PDIA5: variants seen among roughly 807,000 people sequenced by gnomAD.
PDIA5 encodes the protein protein disulfide isomerase family A member 5, also known as protein disulfide-isomerase A5.
Under a neutral mutation model 77.6 loss-of-function variants are expected in PDIA5, and 58 were observed. The observed-to-expected ratio is 0.75, with a 90% CI of 0.61 to 0.93. PDIA5 has a LOEUF of 0.93. Among genes scored for constraint, PDIA5 ranks in the 40% least tolerant of loss-of-function variants. The pLI is 0.00. For synonymous variants in PDIA5, 250 were observed against 252.1 expected, an observed-to-expected ratio of 0.99 and a Z score of 0.08; for missense variants, 630 against 647.7, an observed-to-expected ratio of 0.97 and a Z score of 0.30.
chr3:123,088,227 C>T (rs1934191835), intron 1 of PDIA5, among the ~76,000 whole-genome samples: 1 of 152,140 alleles, frequency 6.6e-6, no homozygotes, highest in South Asian at 2.1e-4. Flanking sequence ...TGTGTCTACT[C>T]CTTATTCACA....
chr3:123,102,494 A>T lies in PDIA5; in HGVS notation c.341A>T (p.Gln114Leu), dbSNP rs755054630. 2.5e-6 allele frequency: 4 copies of T among 1,609,718 alleles called. No homozygotes were observed. Among genetic ancestry groups the T allele is most frequent in the Non-Finnish European group, 8.5e-7 (1 of 1,175,998 alleles). The change falls in exon 4 of 17, where the codon CAG (glutamine) becomes CTG (leucine). Residue 114 changes from glutamine to leucine, a missense_variant and splice_region_variant. Gln to Leu is a moderately radical substitution (Grantham distance 113). Coordinates refer to ENST00000316218, the MANE Select transcript of PDIA5 (RefSeq NM_006810.4). Reference protein sequence around the residue: ...KDKKVELFHYQDGAFHTEYNR... With the variant: ...KDKKVELFHYLDGAFHTEYNR... The stretch of plus-strand genomic sequence containing the variant: ...AAAAAGGTTGAATTATTCCATTACC[A>T]GTAAGTACACATGGGCATTTCCAAT...
rs775250269 is a variant in PDIA5, at chr3:123,089,287, C to G, written c.162C>G (p.Ser54=). The change falls in exon 2 of 17, where the codon TCC becomes TCG. Residue 54 remains serine, a synonymous_variant. Coordinates refer to ENST00000316218, the MANE Select transcript of PDIA5 (RefSeq NM_006810.4). ...GGAATAATGTACTGGTGCTTTACTC[C>G]AAATCTGGTGAGTGTCCCTTCCTGG... ...RTRNNVLVLY[S]KSEVAAENHL... 1 of 1,614,028 alleles carries G rather than the reference C, an allele frequency of 6.2e-7. No homozygotes were observed. Among genetic ancestry groups the G allele is most frequent in the Admixed American group, 1.7e-5 (1 of 60,024 alleles).
chr3:123,151,364 G>C (rs778024666), intron 14 of PDIA5, among the ~76,000 whole-genome samples: 1 of 152,282 alleles, frequency 6.6e-6, no homozygotes, highest in East Asian at 1.9e-4. Flanking sequence ...GCATTAGGGG[G>C]TGGAGGACTG....
chr3:123,124,492 G>A, intron 10 of PDIA5, 149 bp downstream of exon 10: 2 of 702,732 alleles, frequency 2.8e-6, no homozygotes, highest in Non-Finnish European at 5.1e-6. Context: ...TCTGGCTTGA[G>A]TCTAGGCCAC....
chr3:123,140,004 G>A (rs1328566431), intron 11 of PDIA5, among the ~76,000 whole-genome samples: 1 of 152,194 alleles, frequency 6.6e-6, no homozygotes, highest in African/African-American at 2.4e-5. Context: ...TTGGGAGAGG[G>A]CATGATAGCA....
At chr3:123,152,068 CCTTT>C (rs1416843059) in intron 14 of PDIA5, among the ~76,000 whole-genome samples, 4 of 131,482 alleles carry the variant, frequency 3.0e-5, no homozygotes, top group African/African-American at 3.1e-5. Flanking sequence ...TTCCTGCCTG[CCTTT>C]CTTCCTGCCT....
intron 1 of PDIA5, among the ~76,000 whole-genome samples, chr3:123,075,670 G>T (rs779441430): frequency 1.2e-4 from 19 of 152,066 alleles, no homozygotes; most frequent in Non-Finnish European, 2.4e-4. Flanking sequence ...GTGGAGAGGG[G>T]AGTGATATGG....
chr3:123,116,664 A>G (rs1440774352), intron 8 of PDIA5, among the ~76,000 whole-genome samples: 1 of 152,218 alleles, frequency 6.6e-6, no homozygotes, highest in African/African-American at 2.4e-5. Context: ...TATGGAGCCC[A>G]GTGGCAAAGA....
At chr3:123,085,625 G>A (rs140687978) in intron 1 of PDIA5, among the ~76,000 whole-genome samples, 240 of 152,270 alleles carry the variant, frequency 1.6e-3, no homozygotes, top group African/African-American at 5.1e-3. Context: ...CTTTGTTGTC[G>A]CTGCGGCTCA....
At chr3:123,137,937 A>G (rs902094063) in intron 11 of PDIA5, among the ~76,000 whole-genome samples, 6 of 151,910 alleles carry the variant, frequency 3.9e-5, no homozygotes, top group South Asian at 2.1e-4. Context: ...TCATTTGTCT[A>G]TTGTGCCAGG....
At chr3:123,123,554 C>T (rs981909252) in intron 8 of PDIA5, among the ~76,000 whole-genome samples, 2 of 152,202 alleles carry the variant, frequency 1.3e-5, no homozygotes, top group Non-Finnish European at 1.5e-5. Context: ...GGTTTGGAAA[C>T]GTCACACTCA....
intron 14 of PDIA5, among the ~76,000 whole-genome samples, chr3:123,153,461 T>C (rs1057284077): frequency 2.6e-5 from 4 of 152,248 alleles, no homozygotes; most frequent in Non-Finnish European, 5.9e-5. Context: ...TATTTTTCTT[T>C]CTGTTATGTC....
chr3:123,102,568 A>G lies in PDIA5; in HGVS notation c.341+74A>G, dbSNP rs546999320. 1.1e-5 allele frequency: 13 copies of G among 1,182,012 alleles called. No individual in the cohort carries two copies. In the East Asian group the frequency reaches 2.6e-4, roughly 24 times the overall value. 73.2% of individuals were successfully genotyped at this position (1,182,012 alleles called of 1,614,324 possible). ...TCATTGGTATTTTCAGCGAACAGCA[A>G]TTTTTAGTTAGATTAATTTTATTTC... On this transcript the variant is annotated intron_variant, in intron 4 of 16. Transcript: ENST00000316218.
chr3:123,081,656 A>C (rs533024412), intron 1 of PDIA5, among the ~76,000 whole-genome samples: 1 of 152,294 alleles, frequency 6.6e-6, no homozygotes, highest in Admixed American at 6.5e-5. Context: ...CTTTTTCCTC[A>C]ATGTTAAACT....
intron 8 of PDIA5, among the ~76,000 whole-genome samples, chr3:123,118,517 G>T (rs192071295): frequency 1.3e-5 from 2 of 152,134 alleles, no homozygotes; most frequent in East Asian, 1.9e-4. Flanking sequence ...TGCATCTCGT[G>T]GGCCATTCTC....
intron 8 of PDIA5, among the ~76,000 whole-genome samples, chr3:123,116,825 C>T (rs909627084): frequency 6.6e-6 from 1 of 151,926 alleles, no homozygotes. Flanking sequence ...GGATGGGGAG[C>T]GAAAGACCTG....
intron 1 of PDIA5, among the ~76,000 whole-genome samples, chr3:123,074,400 G>A (rs1933796844): frequency 6.6e-6 from 1 of 152,204 alleles, no homozygotes. Context: ...CCTTCTCTGA[G>A]AACCTCTGGG....
At position 123,099,057 on chromosome 3, in the gene PDIA5, GCACA is replaced by G. The variant is rs34705320; in HGVS notation, c.258-3338_258-3335del. ...AATTAGTGTGTGCACACATGCTTGCGCACACACACACACACACACTACTCACACT... is the reference window on the plus strand; with the variant it reads ...AATTAGTGTGTGCACACATGCTTGCGCACACACACACACACTACTCACACT... On this transcript the variant is annotated intron_variant, in intron 3 of 16. Coordinates refer to ENST00000316218, the MANE Select transcript of PDIA5 (RefSeq NM_006810.4). Among the ~76,000 whole-genome samples the G allele has an allele frequency of 1.6e-3, 244 of 151,048 alleles. 1 individual carries two copies. Among genetic ancestry groups the G allele is most frequent in the African/African-American group, 4.0e-3 (165 of 41,234 alleles).
At chr3:123,143,874 G>C (rs1420084232) in intron 11 of PDIA5, among the ~76,000 whole-genome samples, 1 of 152,198 alleles carries the variant, frequency 6.6e-6, no homozygotes, top group Non-Finnish European at 1.5e-5. Context: ...CCTTGACCGA[G>C]TCATGTCTCC....
Sources: allele counts gnomAD v4.1 joint callset (sites outside exome capture counted in the v4.1 genomes callset), GRCh38; gene constraint gnomAD v4.1.1; transcripts MANE v1.5; gene names NCBI Gene and HGNC (gene_info 2026-07-23, HGNC 2026-07-21).